EIF4G3: variants seen among roughly 807,000 people sequenced by gnomAD.
EIF4G3 encodes eukaryotic translation initiation factor 4 gamma 3.
In EIF4G3, 34 loss-of-function variants were observed where a neutral mutation model predicts 186.4. That is an observed-to-expected ratio of 0.18 (90% CI 0.14 to 0.24). The LOEUF is 0.24. Among genes scored for constraint, EIF4G3 ranks in the 10% least tolerant of loss-of-function variants. EIF4G3 has a pLI of 1.00. For missense variants in EIF4G3, 1,536 were observed against 1,948.5 expected (o/e 0.79, Z 3.99); for synonymous variants, 673 against 679.5 (o/e 0.99, Z 0.15).
intron 2 of EIF4G3, chr1:21,174,595 A>C (rs2098063732): frequency 6.6e-6 from 1 of 152,244 alleles, no homozygotes; most frequent in East Asian, 1.9e-4. Flanking sequence ...AAAGGAATTT[A>C]AACTCACAAA....
At chr1:20,863,047 C>A (rs375141917) in intron 22 of EIF4G3, among the ~76,000 whole-genome samples, 2 of 152,036 alleles carry the variant, frequency 1.3e-5, no homozygotes, top group South Asian at 4.2e-4. Flanking sequence ...CCTCAGCCTC[C>A]CAAAGTATTA....
intron 13 of EIF4G3, among the ~76,000 whole-genome samples, 192 bp downstream of exon 13, chr1:20,949,811 T>C (rs1444301559): frequency 6.6e-6 from 1 of 152,164 alleles, no homozygotes; most frequent in African/African-American, 2.4e-5. Context: ...ATGTATGAAA[T>C]AATTTTACCA....
At chr1:20,955,955 A>T (rs2096403349) in intron 12 of EIF4G3, among the ~76,000 whole-genome samples, 1 of 152,138 alleles carries the variant, frequency 6.6e-6, no homozygotes, top group African/African-American at 2.4e-5. Context: ...TGGGTATCTA[A>T]CCTGAAGCTC....
intron 4 of EIF4G3, among the ~76,000 whole-genome samples, chr1:21,018,136 C>T (rs1267388653): frequency 6.6e-6 from 1 of 151,874 alleles, no homozygotes; most frequent in Non-Finnish European, 1.5e-5. Context: ...TATAGAGACA[C>T]ATTCTTGCTA....
intron 3 of EIF4G3, among the ~76,000 whole-genome samples, chr1:21,058,668 A>C (rs1208690865): frequency 6.8e-6 from 1 of 146,008 alleles, no homozygotes; most frequent in Admixed American, 6.9e-5. Context: ...CTGGGACTAC[A>C]CGTACATGCC....
chr1:21,058,476 G>A (rs1467787416), intron 3 of EIF4G3, among the ~76,000 whole-genome samples: 1 of 151,922 alleles, frequency 6.6e-6, no homozygotes, highest in East Asian at 1.9e-4. Flanking sequence ...GCCAGAGTGT[G>A]GACATGGCTC....
intron 3 of EIF4G3, among the ~76,000 whole-genome samples, chr1:21,086,327 G>C (rs12135271): frequency 6.8e-6 from 1 of 147,900 alleles, no homozygotes; most frequent in East Asian, 2.0e-4. Flanking sequence ...AGCCTCCAAA[G>C]TACATGGGAC....
rs2063988832 is a variant in EIF4G3, at chr1:20,827,750, T to C, written c.4188-52A>G. The C allele has an allele frequency of 5.4e-6, 7 of 1,294,132 alleles. No individual in the cohort carries two copies. The East Asian group carries it at 1.6e-4, about 30-fold the overall frequency. The allele number at this position is 1,294,132 out of a possible 1,614,324, so 80.2% of individuals were successfully genotyped here. On this transcript the variant is annotated intron_variant, in intron 31 of 36. Transcript: ENST00000602326. The stretch of plus-strand genomic sequence containing the variant: ...GTATCTCTAAAGAAATCCTTTCTTC[T>C]AGAACAAGAGGCAAACAATGTGTGA...
chr1:21,027,164 G>GTA (rs1224122301), intron 4 of EIF4G3, among the ~76,000 whole-genome samples: 6 of 150,146 alleles, frequency 4.0e-5, no homozygotes, highest in East Asian at 4.0e-4. Flanking sequence ...AAGATGGCTA[G>GTA]TATATATATG....
At chr1:20,973,418 TTC>T (rs1244293011) in intron 10 of EIF4G3, among the ~76,000 whole-genome samples, 1 of 152,238 alleles carries the variant, frequency 6.6e-6, no homozygotes, top group Non-Finnish European at 1.5e-5. Context: ...AAAAATATTA[TTC>T]TGAGGCTTAC....
intron 30 of EIF4G3, 47 bp from the exon 31 acceptor site, chr1:20,829,319 A>G: frequency 1.3e-6 from 2 of 1,598,698 alleles, no homozygotes. Flanking sequence ...GTAATTCAAA[A>G]GTTAAAATTA....
At chr1:21,007,864 C>T (rs559571211) in intron 4 of EIF4G3, among the ~76,000 whole-genome samples, 19 of 152,192 alleles carry the variant, frequency 1.2e-4, no homozygotes, top group Middle Eastern at 3.4e-3. Flanking sequence ...GTACAGGATA[C>T]AACTTATAGG....
chr1:21,139,924 C>A (rs2102635996), intron 2 of EIF4G3, among the ~76,000 whole-genome samples: 1 of 152,330 alleles, frequency 6.6e-6, no homozygotes. Context: ...AGCCTTACCC[C>A]ATCCCTAGAA....
chr1:20,940,972 G>C (rs527798013), intron 14 of EIF4G3, among the ~76,000 whole-genome samples: 1 of 152,292 alleles, frequency 6.6e-6, no homozygotes, highest in South Asian at 2.1e-4. Context: ...ACCTGCAAGT[G>C]AATCAACAAC....
intron 33 of EIF4G3, among the ~76,000 whole-genome samples, chr1:20,818,927 A>G (rs568615112): frequency 6.6e-6 from 1 of 152,078 alleles, no homozygotes; most frequent in African/African-American, 2.4e-5. Flanking sequence ...ATATTTCCCA[A>G]TAAGGTTTTA....
chr1:20,991,108 T>C (rs907497679), intron 7 of EIF4G3, among the ~76,000 whole-genome samples: 1 of 152,204 alleles, frequency 6.6e-6, no homozygotes, highest in African/African-American at 2.4e-5. Flanking sequence ...TGTTAATCCA[T>C]GGTAATTTAT....
At chr1:21,072,657 A>C (rs1009599548) in intron 3 of EIF4G3, among the ~76,000 whole-genome samples, 10 of 152,078 alleles carry the variant, frequency 6.6e-5, no homozygotes, top group Non-Finnish European at 1.0e-4. Context: ...CCGCCTCAGT[A>C]TCCCAAAGTG....
intron 3 of EIF4G3, among the ~76,000 whole-genome samples, chr1:21,076,555 C>T (rs1436252005): frequency 1.3e-5 from 2 of 152,028 alleles, no homozygotes; most frequent in Non-Finnish European, 2.9e-5. Flanking sequence ...ATATGCTGCA[C>T]AGCTACAGTA....
chr1:20,967,904 C>T (rs988557564), intron 12 of EIF4G3, among the ~76,000 whole-genome samples: 1 of 152,282 alleles, frequency 6.6e-6, no homozygotes, highest in South Asian at 2.1e-4. Flanking sequence ...AGAGAGCAGC[C>T]CCCTACTCCT....
Sources: allele counts gnomAD v4.1 joint callset (sites outside exome capture counted in the v4.1 genomes callset), GRCh38; gene constraint gnomAD v4.1.1; transcripts MANE v1.5; gene names NCBI Gene and HGNC (gene_info 2026-07-23, HGNC 2026-07-21).